The following GPR137C variants were observed in gnomAD, a reference collection of about 807,000 sequenced individuals.
The protein encoded by GPR137C is G protein-coupled receptor 137C, also known as integral membrane protein GPR137C.
Under a neutral mutation model 43.4 loss-of-function variants are expected in GPR137C, and 27 were observed. The ratio of observed to expected loss-of-function variants is 0.62; its 90% CI spans 0.46 to 0.86. GPR137C has a LOEUF of 0.86. Among genes scored for constraint, GPR137C ranks in the 40% least tolerant of loss-of-function variants. The pLI is 0.00. For synonymous variants in GPR137C, 285 were observed against 226.9 expected (o/e 1.26, Z -2.30); for missense variants, 522 against 534.6 (o/e 0.98, Z 0.23).
At chr14:52,617,663 A>G (rs1446256193) in intron 3 of GPR137C, among the ~76,000 whole-genome samples, 2 of 152,200 alleles carry the variant, frequency 1.3e-5, no homozygotes, top group African/African-American at 2.4e-5. Flanking sequence ...TGGGCAACAG[A>G]GCGAGAGTCC....
intron 3 of GPR137C, among the ~76,000 whole-genome samples, chr14:52,604,843 TC>T (rs529566628): frequency 1.3e-5 from 2 of 152,292 alleles, no homozygotes; most frequent in South Asian, 4.1e-4. Flanking sequence ...GTTCTGGGCA[TC>T]TTTGTCAAAA....
intron 3 of GPR137C, among the ~76,000 whole-genome samples, chr14:52,631,735 A>G (rs531336379): frequency 6.6e-6 from 1 of 152,314 alleles, no homozygotes; most frequent in East Asian, 1.9e-4. Context: ...GAAAGCAAAT[A>G]GCATAGGAAC....
intron 1 of GPR137C, among the ~76,000 whole-genome samples, chr14:52,590,851 A>T (rs1410585901): frequency 1.3e-5 from 2 of 152,014 alleles, no homozygotes; most frequent in South Asian, 2.1e-4. Flanking sequence ...TTTTTATTAT[A>T]CTTAAAGTTC....
chr14:52,612,103 A>G (rs1263456026), intron 3 of GPR137C: 2 of 984,100 alleles, frequency 2.0e-6, no homozygotes, highest in Non-Finnish European at 2.4e-6. Flanking sequence ...TTATAGTTTT[A>G]TGGGCAGTTA....
chr14:52,579,466 G>A lies in GPR137C; in HGVS notation c.445-18806G>A, dbSNP rs538659578. On this transcript the variant is annotated intron_variant, in intron 1 of 6. Coordinates refer to ENST00000321662, the MANE Select transcript of GPR137C (RefSeq NM_001099652.2). ...CTCTGATTGGTACCTGATTCTCCTG[G>A]TACCTTTTGAAGATTCTGAAATCAC... 2.6e-5 allele frequency among the ~76,000 whole-genome samples: 4 copies of A among 152,206 alleles called. No individual in the cohort carries two copies. The South Asian group carries it at 8.3e-4, about 32-fold the overall frequency.
At chr14:52,553,674 C>CG (rs934741542) in intron 1 of GPR137C, 83 bp downstream of exon 1, 1 of 900,374 alleles carries the variant, frequency 1.1e-6, no homozygotes, top group Admixed American at 3.5e-5. Context: ...CCAGCGGGGG[C>CG]GGGGGGTGGG....
Position 52,635,388 on chromosome 14 carries a change from A to G in GPR137C, c.*273A>G, listed in dbSNP as rs529280977. ...ATCCTGACTTTGGAACATCAAATGCATATGTGCACTTTTATCTTTGTTCTG... is the reference window on the plus strand; with the variant it reads ...ATCCTGACTTTGGAACATCAAATGCGTATGTGCACTTTTATCTTTGTTCTG... On this transcript the variant is annotated 3_prime_UTR_variant, in exon 7 of 7. Transcript: ENST00000321662. 8 of 299,676 alleles carry G rather than the reference A, an allele frequency of 2.7e-5. No individual in the cohort carries two copies. The highest frequency in any genetic ancestry group is 6.4e-5 in the South Asian group (1 of 15,696). 18.6% of individuals were successfully genotyped at this position (299,676 alleles called of 1,614,324 possible). A position where few individuals can be genotyped will look rare whatever the true frequency, so the allele number is the denominator to read the frequency against.
At position 52,553,160 on chromosome 14, in the gene GPR137C, G is replaced by A. The variant is rs2038108262; in HGVS notation, c.13G>A (p.Val5Met). 1.7e-6 allele frequency: 2 copies of A among 1,172,870 alleles called. No individual in the cohort carries two copies. Among genetic ancestry groups the A allele is most frequent in the Admixed American group, 4.6e-5 (1 of 21,732 alleles). The allele number at this position is 1,172,870 out of a possible 1,614,324, so 72.7% of individuals were successfully genotyped here. Residue 5 changes from valine to methionine, a missense_variant, in exon 1 of 7, where the codon GTG (valine) becomes ATG (methionine). By Grantham distance (21) the Val-to-Met change is conservative. Coordinates refer to ENST00000321662, the MANE Select transcript of GPR137C (RefSeq NM_001099652.2). Reference protein sequence around the residue: MRVSVPGPAAAAAPA... With the variant: MRVSMPGPAAAAAPA... The stretch of plus-strand genomic sequence containing the variant: ...CCCCAGCCCCCTCATGAGGGTGTCC[G>A]TGCCGGGTCCGGCGGCCGCTGCCGC...
intron 1 of GPR137C, among the ~76,000 whole-genome samples, chr14:52,563,655 C>T (rs1019212088): frequency 3.9e-5 from 6 of 152,152 alleles, no homozygotes; most frequent in Non-Finnish European, 8.8e-5. Context: ...AAAACACACA[C>T]ACACACAACT....
intron 1 of GPR137C, among the ~76,000 whole-genome samples, chr14:52,555,320 A>G (rs1034245738): frequency 1.3e-5 from 2 of 152,182 alleles, no homozygotes; most frequent in East Asian, 3.9e-4. Context: ...TATAACATAT[A>G]CAATAAAGTC....
At chr14:52,630,646 C>T (rs1165904060) in intron 3 of GPR137C, among the ~76,000 whole-genome samples, 1 of 151,920 alleles carries the variant, frequency 6.6e-6, no homozygotes, top group Non-Finnish European at 1.5e-5. Flanking sequence ...TTTCATATAC[C>T]TCTAAAATGA....
chr14:52,633,934 C>G lies in GPR137C; in HGVS notation c.1100C>G (p.Ser367Ter). The part of the protein sequence containing the change: ...SDDDLPRLGS[S>*]REGSLPNSQS... ...GATGACCTGCCAAGACTGGGAAGTT[C>G]AAGAGAAGGAAGGTAGATGTAACAA... is the stretch of plus-strand genomic sequence containing the variant. The change falls in exon 6 of 7, where the codon TCA (serine) becomes TGA (stop). Residue 367 changes from serine to a stop codon, truncating the protein, a stop_gained. Coordinates refer to ENST00000321662, the MANE Select transcript of GPR137C (RefSeq NM_001099652.2). LOFTEE classifies it high-confidence loss of function. 1 of 1,589,452 alleles carries G rather than the reference C, an allele frequency of 6.3e-7. No homozygotes were observed. Among genetic ancestry groups the G allele is most frequent in the Non-Finnish European group, 8.6e-7 (1 of 1,158,142 alleles).
intron 3 of GPR137C, among the ~76,000 whole-genome samples, chr14:52,631,212 C>A (rs1361519922): frequency 6.6e-6 from 1 of 152,080 alleles, no homozygotes; most frequent in Non-Finnish European, 1.5e-5. Flanking sequence ...TCATGACTGT[C>A]CAGGAGGACA....
chr14:52,601,582 T>C (rs1273125112), intron 3 of GPR137C, among the ~76,000 whole-genome samples: 2 of 151,948 alleles, frequency 1.3e-5, no homozygotes. Context: ...CCTGGAAAAT[T>C]ATTTTATTAA....
At chr14:52,581,220 A>T (rs927219792) in intron 1 of GPR137C, among the ~76,000 whole-genome samples, 2 of 148,396 alleles carry the variant, frequency 1.3e-5, no homozygotes, top group Non-Finnish European at 3.0e-5. Flanking sequence ...AAAAGTTGTT[A>T]ACCATATGAT....
intron 1 of GPR137C, among the ~76,000 whole-genome samples, chr14:52,582,820 A>G (rs935250582): frequency 1.3e-5 from 2 of 152,186 alleles, no homozygotes; most frequent in Non-Finnish European, 2.9e-5. Flanking sequence ...ATTAAAAATA[A>G]TAAAATGAGA....
At chr14:52,627,257 G>A (rs928975705) in intron 3 of GPR137C, among the ~76,000 whole-genome samples, 4 of 152,086 alleles carry the variant, frequency 2.6e-5, no homozygotes, top group African/African-American at 9.7e-5. Flanking sequence ...GCCAGACATG[G>A]TGGTGTGCAC....
At chr14:52,553,652 T>A in intron 1 of GPR137C, 61 bp downstream of exon 1, 79 of 463,114 alleles carry the variant, frequency 1.7e-4, no homozygotes, top group East Asian at 3.2e-4. Flanking sequence ...CGGGATCAAC[T>A]CCCGCTGAGG....
chr14:52,582,191 A>T (rs1262019652), intron 1 of GPR137C, among the ~76,000 whole-genome samples: 1 of 152,176 alleles, frequency 6.6e-6, no homozygotes, highest in African/African-American at 2.4e-5. Flanking sequence ...ATGTCCTCAC[A>T]TGTTGTAAGA....
Sources: gnomAD v4.1 joint callset for allele counts (sites outside exome capture counted in the v4.1 genomes callset) on GRCh38, gnomAD v4.1.1 for gene constraint, MANE v1.5 for transcripts, NCBI Gene and HGNC (gene_info 2026-07-23, HGNC 2026-07-21) for gene names.